RPS6KA5: variants seen among roughly 807,000 people sequenced by gnomAD.
The protein encoded by RPS6KA5 is ribosomal protein S6 kinase A5, also known as ribosomal protein S6 kinase alpha-5.
A neutral mutation model predicts 85.5 loss-of-function variants in RPS6KA5; 27 were observed. The ratio of observed to expected loss-of-function variants is 0.32; its 90% CI spans 0.23 to 0.44. The LOEUF is 0.44. Ranked by LOEUF, RPS6KA5 falls within the 20% of genes least tolerant of loss-of-function variation. RPS6KA5 has a pLI of 1.00. For missense variants in RPS6KA5, 811 were observed against 980.9 expected (o/e 0.83, Z 2.31); for synonymous variants, 334 against 348.2 (o/e 0.96, Z 0.46).
At chr14:90,927,685 TG>T (rs2036747135) in intron 5 of RPS6KA5, among the ~76,000 whole-genome samples, 1 of 152,058 alleles carries the variant, frequency 6.6e-6, no homozygotes, top group African/African-American at 2.4e-5. Flanking sequence ...CAAAAATTTG[TG>T]AAAAGCTTTA....
In RPS6KA5 at chr14:90,857,052, C is replaced by T. The variant is rs530760707; in HGVS notation, c.*15022G>A. 6.6e-6 allele frequency: 1 copy of T among 152,364 alleles called. No homozygotes were observed. 9.4% of individuals were successfully genotyped at this position (152,364 alleles called of 1,614,324 possible). A position where few individuals can be genotyped will look rare whatever the true frequency, so the allele number is the denominator to read the frequency against. The stretch of plus-strand genomic sequence containing the variant: ...CTGTCCTCCCAGTGCAGCCTAGTTT[C>T]TATGGAGCTACCATATATGACAGTG... On this transcript the variant is annotated 3_prime_UTR_variant, in exon 17 of 17. Transcript: ENST00000614987.
At chr14:90,878,735 C>G (rs934349343) in intron 14 of RPS6KA5, among the ~76,000 whole-genome samples, 1 of 152,158 alleles carries the variant, frequency 6.6e-6, no homozygotes, top group East Asian at 1.9e-4. Context: ...TACCTTGCAC[C>G]ACTAAGAAGC....
chr14:91,030,997 A>C (rs2042167554), intron 1 of RPS6KA5, among the ~76,000 whole-genome samples: 1 of 152,150 alleles, frequency 6.6e-6, no homozygotes, highest in African/African-American at 2.4e-5. Context: ...AATTCAAAAA[A>C]TATCCCCAGA....
chr14:90,965,022 C>T (rs1447033810), intron 3 of RPS6KA5, among the ~76,000 whole-genome samples: 2 of 151,966 alleles, frequency 1.3e-5, no homozygotes, highest in Non-Finnish European at 2.9e-5. Context: ...ATAACTGTTG[C>T]CAATTTTTGG....
At chr14:91,042,509 C>CA (rs962106148) in intron 1 of RPS6KA5, among the ~76,000 whole-genome samples, 21 of 151,490 alleles carry the variant, frequency 1.4e-4, no homozygotes, top group African/African-American at 4.4e-4. Context: ...GACTCCATCT[C>CA]AAAAAAAAGA....
intron 1 of RPS6KA5, among the ~76,000 whole-genome samples, chr14:91,036,465 TTA>T (rs1377907567): frequency 2.0e-5 from 3 of 152,142 alleles, no homozygotes; most frequent in Non-Finnish European, 4.4e-5. Flanking sequence ...AATAGGCAGA[TTA>T]GCTAGGAAGG....
chr14:90,982,470 G>GA (rs557144008), intron 2 of RPS6KA5, among the ~76,000 whole-genome samples: 3 of 151,776 alleles, frequency 2.0e-5, no homozygotes, highest in Admixed American at 2.0e-4. Flanking sequence ...TCCAAAGGAA[G>GA]AAAAAAAAGA....
At chr14:90,896,625 G>C (rs1163833145) in intron 12 of RPS6KA5, among the ~76,000 whole-genome samples, 1 of 152,192 alleles carries the variant, frequency 6.6e-6, no homozygotes, top group Non-Finnish European at 1.5e-5. Context: ...CACAGCCAAG[G>C]AAATGTTGGG....
chr14:90,965,122 G>A (rs1163210292), intron 3 of RPS6KA5, among the ~76,000 whole-genome samples: 1 of 152,054 alleles, frequency 6.6e-6, no homozygotes, highest in Non-Finnish European at 1.5e-5. Context: ...TCGGCTGGGC[G>A]CTGTGGCTCA....
chr14:91,060,053 G>C lies in RPS6KA5; in HGVS notation c.103+279C>G, dbSNP rs543288753. On this transcript the variant is annotated intron_variant, in intron 1 of 16. Coordinates refer to ENST00000614987, the MANE Select transcript of RPS6KA5 (RefSeq NM_004755.4). Reference sequence around the variant, plus strand: ...AGGGGGAGCAGCGACATCCTCGGAGGTGCGTGCCACGGGCAGCGGTCGGCG... The same window carrying C: ...AGGGGGAGCAGCGACATCCTCGGAGCTGCGTGCCACGGGCAGCGGTCGGCG... The C allele has an allele frequency of 2.4e-5, 24 of 985,432 alleles. No individual in the cohort carries two copies. The South Asian group carries it at 9.9e-4, about 41-fold the overall frequency. 61.0% of individuals were successfully genotyped at this position (985,432 alleles called of 1,614,324 possible). A position where few individuals can be genotyped will look rare whatever the true frequency, so the allele number is the denominator to read the frequency against.
chr14:91,033,770 T>C (rs2042287606), intron 1 of RPS6KA5, among the ~76,000 whole-genome samples: 1 of 152,280 alleles, frequency 6.6e-6, no homozygotes, highest in Middle Eastern at 3.4e-3. Flanking sequence ...ATTTAACTTG[T>C]AGGCATGTAT....
chr14:90,886,587 G>A lies in RPS6KA5; in HGVS notation c.1836+3900C>T, dbSNP rs139114669. 4.2e-3 allele frequency among the ~76,000 whole-genome samples: 633 copies of A among 152,264 alleles called. 1 individual carries two copies. Among genetic ancestry groups the A allele is most frequent in the Middle Eastern group, 0.01 (3 of 294 alleles). ...TCTCTTTGTGAGTGTGCAGACCAAG[G>A]AAAGGCTGTGTGCGGACACAACAAG... On this transcript the variant is annotated intron_variant, in intron 14 of 16. Coordinates refer to ENST00000614987, the MANE Select transcript of RPS6KA5 (RefSeq NM_004755.4).
At chr14:90,918,086 G>GT (rs2036216168) in intron 7 of RPS6KA5, among the ~76,000 whole-genome samples, 1 of 152,094 alleles carries the variant, frequency 6.6e-6, no homozygotes, top group Non-Finnish European at 1.5e-5. Flanking sequence ...AGTGAGTAAC[G>GT]TTTAACTTTT....
At chr14:91,050,409 G>A (rs1401165278) in intron 1 of RPS6KA5, among the ~76,000 whole-genome samples, 2 of 151,644 alleles carry the variant, frequency 1.3e-5, no homozygotes, top group Admixed American at 1.3e-4. Context: ...CAAAAACAAA[G>A]CATCTTATTG....
intron 7 of RPS6KA5, among the ~76,000 whole-genome samples, chr14:90,908,282 AG>A (rs1470770349): frequency 1.3e-5 from 2 of 152,202 alleles, no homozygotes; most frequent in African/African-American, 4.8e-5. Context: ...AATTCAGATG[AG>A]GCAGGGACCA....
intron 1 of RPS6KA5, among the ~76,000 whole-genome samples, chr14:91,052,027 C>T (rs2043102902): frequency 6.6e-6 from 1 of 152,048 alleles, no homozygotes; most frequent in East Asian, 1.9e-4. Context: ...TTGATTATAA[C>T]TCAGTCCATC....
chr14:91,021,333 T>C (rs1332517719), intron 1 of RPS6KA5, among the ~76,000 whole-genome samples: 1 of 152,102 alleles, frequency 6.6e-6, no homozygotes, highest in Non-Finnish European at 1.5e-5. Context: ...ATCACCATTT[T>C]TTTCAATGCT....
At chr14:90,998,206 A>T (rs1349157832) in intron 2 of RPS6KA5, among the ~76,000 whole-genome samples, 1 of 152,136 alleles carries the variant, frequency 6.6e-6, no homozygotes, top group African/African-American at 2.4e-5. Flanking sequence ...ACTGGGGAGG[A>T]TGGTGAGCTT....
In RPS6KA5 at chr14:90,923,165, A is replaced by G. The variant is rs760965172; in HGVS notation, c.650T>C (p.Ile217Thr). 1 of 1,613,136 alleles carries G rather than the reference A, an allele frequency of 6.2e-7. No homozygotes were observed. The highest frequency in any genetic ancestry group is 8.5e-7 in the Non-Finnish European group (1 of 1,179,412). The stretch of plus-strand genomic sequence containing the variant: ...GACAATATCTGGTGCCATGTATTCA[A>G]TAGTTCCACAAAAGGAATATGCTCT... ...TERAYSFCGT[I>T]EYMAPDIVRG... The change falls in exon 6 of 17, where the codon ATT becomes ACT. Residue 217 changes from isoleucine to threonine, a missense_variant. Coordinates refer to ENST00000614987, the MANE Select transcript of RPS6KA5 (RefSeq NM_004755.4).
Sources: gnomAD v4.1 joint callset for allele counts (sites outside exome capture counted in the v4.1 genomes callset) on GRCh38, gnomAD v4.1.1 for gene constraint, MANE v1.5 for transcripts, NCBI Gene and HGNC (gene_info 2026-07-23, HGNC 2026-07-21) for gene names.